SMYD3: variants seen among roughly 807,000 people sequenced by gnomAD.
SMYD3 encodes the protein histone-lysine N-methyltransferase SMYD3.
Under a neutral mutation model 57.7 loss-of-function variants are expected in SMYD3, and 36 were observed. That is an observed-to-expected ratio of 0.62 (90% CI 0.48 to 0.82). The LOEUF (loss-of-function observed/expected upper bound fraction) is 0.82. Ranked by LOEUF, SMYD3 falls within the 40% of genes least tolerant of loss-of-function variation. The pLI is 0.00. For missense variants in SMYD3, 515 were observed against 538.8 expected (o/e 0.96, Z 0.44); for synonymous variants, 211 against 195.0 (o/e 1.08, Z -0.68).
At position 246,327,435 on chromosome 1, in the gene SMYD3, A is replaced by T. The variant is rs528795662; in HGVS notation, c.395-98T>A. 2.1e-5 allele frequency: 22 copies of T among 1,042,020 alleles called. No homozygotes were observed. In the African/African-American group the frequency reaches 3.4e-4, roughly 16 times the overall value. The allele number at this position is 1,042,020 out of a possible 1,614,324, so 64.5% of individuals were successfully genotyped here. ...CTGGCTGTTAAACCAGATATTTCCT[A>T]CCTTACATTGGATTTTGACAAAGAG... On this transcript the variant is annotated intron_variant, in intron 4 of 11. Transcript: ENST00000490107.
At chr1:246,220,367 C>G (rs1230317392) in intron 5 of SMYD3, among the ~76,000 whole-genome samples, 1 of 150,778 alleles carries the variant, frequency 6.6e-6, no homozygotes, top group Non-Finnish European at 1.5e-5. Flanking sequence ...GCACCTGCAG[C>G]CTCCCAAACC....
intron 1 of SMYD3, among the ~76,000 whole-genome samples, chr1:246,385,894 C>G (rs1328177030): frequency 6.6e-6 from 1 of 152,014 alleles, no homozygotes; most frequent in African/African-American, 2.4e-5. Flanking sequence ...GGCAGTAGAA[C>G]ACATACACCT....
chr1:246,232,412 C>T (rs1318486682), intron 5 of SMYD3, among the ~76,000 whole-genome samples: 1 of 152,010 alleles, frequency 6.6e-6, no homozygotes, highest in Non-Finnish European at 1.5e-5. Flanking sequence ...CTTTAAAGAA[C>T]ATATACCACA....
chr1:245,877,178 C>T (rs769451966), intron 8 of SMYD3, among the ~76,000 whole-genome samples: 32 of 152,212 alleles, frequency 2.1e-4, no homozygotes, highest in South Asian at 4.1e-4. Context: ...CTCTGCTGCC[C>T]TACTAGGTCT....
chr1:246,427,915 A>G (rs1471106739), intron 1 of SMYD3, among the ~76,000 whole-genome samples: 1 of 152,224 alleles, frequency 6.6e-6, no homozygotes, highest in East Asian at 1.9e-4. Flanking sequence ...TTAAAAGGTT[A>G]AAAGATTCTT....
At chr1:245,816,781 G>A (rs945473397) in intron 10 of SMYD3, among the ~76,000 whole-genome samples, 2 of 151,898 alleles carry the variant, frequency 1.3e-5, no homozygotes, top group African/African-American at 4.8e-5. Context: ...CAAAGAAAGG[G>A]GTGACGGACG....
chr1:245,906,484 A>G (rs1426396375), intron 8 of SMYD3, among the ~76,000 whole-genome samples: 2 of 152,190 alleles, frequency 1.3e-5, no homozygotes, highest in African/African-American at 2.4e-5. Flanking sequence ...AATAAAGACA[A>G]GCAGTAACAA....
chr1:246,217,490 T>C (rs935277455), intron 5 of SMYD3, among the ~76,000 whole-genome samples: 27 of 152,078 alleles, frequency 1.8e-4, no homozygotes, highest in African/African-American at 4.6e-4. Context: ...GCCTGGGTAA[T>C]AGACCAAGAC....
At chr1:245,867,864 G>C (rs78360773) in intron 8 of SMYD3, among the ~76,000 whole-genome samples, 1 of 152,208 alleles carries the variant, frequency 6.6e-6, no homozygotes, top group Non-Finnish European at 1.5e-5. Context: ...AGAGCGGAGG[G>C]CAAGTGCGGA....
chr1:245,868,549 C>G lies in SMYD3; in HGVS notation c.814-4663G>C, dbSNP rs778667941. 6.6e-4 allele frequency among the ~76,000 whole-genome samples: 101 copies of G among 152,264 alleles called. 1 individual carries two copies. Among genetic ancestry groups the G allele is most frequent in the Non-Finnish European group, 2.8e-4 (19 of 68,022 alleles). On this transcript the variant is annotated intron_variant, in intron 8 of 11. Transcript: ENST00000490107. ...TTTCATATGGGAATTACAGTCACAA[C>G]TAAATTTGCCACCAGTGAACATAAC...
intron 5 of SMYD3, among the ~76,000 whole-genome samples, chr1:246,148,733 A>G (rs2061895617): frequency 6.6e-6 from 1 of 152,220 alleles, no homozygotes; most frequent in Non-Finnish European, 1.5e-5. Context: ...CCAAGAAAAG[A>G]TGACTAAGTG....
intron 5 of SMYD3, among the ~76,000 whole-genome samples, chr1:246,218,480 A>G (rs79456650): frequency 6.6e-6 from 1 of 151,988 alleles, no homozygotes; most frequent in Non-Finnish European, 1.5e-5. Flanking sequence ...AAAATTAGCC[A>G]GGGGGTGGCG....
chr1:246,207,663 GA>G (rs1187822828), intron 5 of SMYD3, among the ~76,000 whole-genome samples: 1 of 152,058 alleles, frequency 6.6e-6, no homozygotes, highest in East Asian at 1.9e-4. Context: ...AAAGAAAAAA[GA>G]AAAGCTCTGA....
chr1:246,499,009 G>A (rs2068414627), intron 1 of SMYD3, among the ~76,000 whole-genome samples: 1 of 151,450 alleles, frequency 6.6e-6, no homozygotes, highest in African/African-American at 2.4e-5. Flanking sequence ...TGCCCAAGGT[G>A]GTTGTGAGCT....
At chr1:245,987,984 T>C (rs979981458) in intron 5 of SMYD3, among the ~76,000 whole-genome samples, 5 of 152,226 alleles carry the variant, frequency 3.3e-5, no homozygotes, top group African/African-American at 1.2e-4. Flanking sequence ...CAGAAAACTG[T>C]ATTTTTATAA....
At chr1:246,264,076 A>AC (rs1220670661) in intron 5 of SMYD3, among the ~76,000 whole-genome samples, 1 of 152,148 alleles carries the variant, frequency 6.6e-6, no homozygotes, top group Non-Finnish European at 1.5e-5. Flanking sequence ...AAACTTTGTA[A>AC]CCTACATATA....
intron 1 of SMYD3, among the ~76,000 whole-genome samples, chr1:246,402,096 C>G (rs747616679): frequency 2.1e-4 from 32 of 152,242 alleles, no homozygotes; most frequent in Admixed American, 6.5e-4. Flanking sequence ...TAAACAGTAC[C>G]TATTACCTTC....
intron 1 of SMYD3, among the ~76,000 whole-genome samples, chr1:246,471,161 G>T (rs1467940576): frequency 6.6e-6 from 1 of 152,002 alleles, no homozygotes; most frequent in East Asian, 1.9e-4. Flanking sequence ...CTTTTTAAAA[G>T]CAGTTTGACC....
intron 2 of SMYD3, among the ~76,000 whole-genome samples, chr1:246,342,175 T>G (rs1480232541): frequency 1.3e-5 from 2 of 152,132 alleles, no homozygotes; most frequent in African/African-American, 4.8e-5. Flanking sequence ...GAAAATGAAT[T>G]TTTTGAGCCC....
Sources: allele counts gnomAD v4.1 joint callset (sites outside exome capture counted in the v4.1 genomes callset), GRCh38; gene constraint gnomAD v4.1.1; transcripts MANE v1.5; gene names NCBI Gene and HGNC (gene_info 2026-07-23, HGNC 2026-07-21).